Variants in GALNT13 observed in about 807,000 individuals in gnomAD.
The protein encoded by GALNT13 is polypeptide N-acetylgalactosaminyltransferase 13.
In GALNT13, 28 loss-of-function variants were observed where a neutral mutation model predicts 64.2. The ratio of observed to expected loss-of-function variants is 0.44; its 90% confidence interval spans 0.32 to 0.60. The LOEUF (loss-of-function observed/expected upper bound fraction) is 0.60. GALNT13 is among the 20% of genes least tolerant of loss of function. The pLI, the probability that GALNT13 is intolerant of heterozygous loss-of-function variation, is 0.05. For synonymous variants in GALNT13, 214 were observed against 224.6 expected (o/e 0.95, Z 0.42); for missense variants, 577 against 669.8 (o/e 0.86, Z 1.53).
intron 9 of GALNT13, among the ~76,000 whole-genome samples, chr2:154,351,654 G>C (rs144173211): frequency 0.079 from 9,649 of 122,002 alleles, 376 homozygotes; most frequent in Middle Eastern, 0.12. Context: ...CTGCAGTCCA[G>C]CCTGGGCGAC....
At chr2:154,073,405 T>C (rs1285455015) in intron 3 of GALNT13, among the ~76,000 whole-genome samples, 1 of 151,964 alleles carries the variant, frequency 6.6e-6, no homozygotes, top group Admixed American at 6.6e-5. Flanking sequence ...AAGTAACTAT[T>C]TATTGCCAAT....
chr2:153,071,749 G>C, the GALNT13 span, among the ~76,000 whole-genome samples: 2 of 152,162 alleles, frequency 1.3e-5, no homozygotes, highest in Admixed American at 6.5e-5. Context: ...TGTGGCTCTT[G>C]AGCCAAATCT....
intron 9 of GALNT13, among the ~76,000 whole-genome samples, chr2:154,386,873 C>G (rs1698538448): frequency 6.6e-6 from 1 of 151,950 alleles, no homozygotes; most frequent in Non-Finnish European, 1.5e-5. Flanking sequence ...AGGTAATTGC[C>G]TAGAAAACTC....
chr2:153,842,656 A>G, the GALNT13 span, among the ~76,000 whole-genome samples: 11 of 152,086 alleles, frequency 7.2e-5, no homozygotes, highest in Non-Finnish European at 2.9e-5. Context: ...TTTTTAAAAA[A>G]CACAAGAGCT....
intron 3 of GALNT13, among the ~76,000 whole-genome samples, chr2:154,055,005 T>A (rs917575433): frequency 5.3e-5 from 8 of 152,062 alleles, no homozygotes; most frequent in African/African-American, 1.9e-4. Context: ...ATTGTAACTT[T>A]TTGCATATGT....
the GALNT13 span, among the ~76,000 whole-genome samples, chr2:153,317,549 G>A: frequency 1.3e-5 from 2 of 151,842 alleles, no homozygotes; most frequent in Non-Finnish European, 2.9e-5. Flanking sequence ...TATTCTATGA[G>A]AAATTAATTA....
At chr2:153,590,121 C>T in the GALNT13 span, among the ~76,000 whole-genome samples, 1 of 151,858 alleles carries the variant, frequency 6.6e-6, no homozygotes, top group African/African-American at 2.4e-5. Context: ...CAAGAAAAGA[C>T]CCAAATAATT....
chr2:153,599,207 CTTAAA>C, the GALNT13 span, among the ~76,000 whole-genome samples: 29 of 152,090 alleles, frequency 1.9e-4, no homozygotes, highest in African/African-American at 3.1e-4. Flanking sequence ...TATCCATTAT[CTTAAA>C]TTAATTATTT....
the GALNT13 span, among the ~76,000 whole-genome samples, chr2:153,574,459 T>A: frequency 6.6e-6 from 1 of 152,112 alleles, no homozygotes; most frequent in African/African-American, 2.4e-5. Context: ...CACTACCTCA[T>A]CTTTGAAGCC....
chr2:153,506,463 T>C, the GALNT13 span, among the ~76,000 whole-genome samples: 9 of 152,354 alleles, frequency 5.9e-5, no homozygotes, highest in Non-Finnish European at 1.2e-4. Flanking sequence ...AAGTAGGGTC[T>C]ATTTTGCTGT....
intron 3 of GALNT13, among the ~76,000 whole-genome samples, chr2:153,993,871 T>C (rs1230163403): frequency 3.9e-5 from 6 of 152,168 alleles, no homozygotes; most frequent in Admixed American, 3.9e-4. Flanking sequence ...CGTTTTTCTT[T>C]TGAATTAACT....
At chr2:153,651,112 C>A in the GALNT13 span, among the ~76,000 whole-genome samples, 5 of 152,152 alleles carry the variant, frequency 3.3e-5, no homozygotes, top group Admixed American at 1.3e-4. Context: ...GTGCATTGTA[C>A]ACCTAAAGTT....
At chr2:153,152,856 C>T in the GALNT13 span, among the ~76,000 whole-genome samples, 1 of 152,242 alleles carries the variant, frequency 6.6e-6, no homozygotes, top group South Asian at 2.1e-4. Flanking sequence ...GTGAATAGAG[C>T]TGCAATGAAC....
the GALNT13 span, among the ~76,000 whole-genome samples, chr2:153,339,047 G>A: frequency 6.6e-5 from 10 of 152,186 alleles, no homozygotes; most frequent in African/African-American, 2.4e-4. Flanking sequence ...GGTTGATTCC[G>A]TATCTTGGCT....
At chr2:153,433,411 C>A in the GALNT13 span, among the ~76,000 whole-genome samples, 1 of 139,010 alleles carries the variant, frequency 7.2e-6, no homozygotes. Context: ...ATTAATTTTC[C>A]ACTCCAAATT....
chr2:154,181,938 C>T (rs1685982770), intron 4 of GALNT13, among the ~76,000 whole-genome samples: 1 of 151,338 alleles, frequency 6.6e-6, no homozygotes, highest in African/African-American at 2.4e-5. Context: ...TATTGGTTAT[C>T]ATTTGTCTCT....
At chr2:153,149,713 A>G in the GALNT13 span, among the ~76,000 whole-genome samples, 266 of 151,922 alleles carry the variant, frequency 1.8e-3, no homozygotes, top group African/African-American at 6.1e-3. Flanking sequence ...AGCATAGCCT[A>G]CTGTGTCCTG....
intron 11 of GALNT13, among the ~76,000 whole-genome samples, chr2:154,411,608 A>G (rs1361621034): frequency 6.6e-6 from 1 of 151,850 alleles, no homozygotes; most frequent in Non-Finnish European, 1.5e-5. Context: ...CTGTATATTT[A>G]TATGGATGCT....
chr2:153,931,103 G>GTGTGTGTC lies in GALNT13; in HGVS notation c.-104-13290_-104-13289insGTGTGTCT, dbSNP rs1553456570. Among the ~76,000 whole-genome samples the GTGTGTGTC allele has an allele frequency of 9.4e-5, 13 of 138,082 alleles. No homozygotes were observed. In the East Asian group the frequency reaches 2.6e-3, roughly 28 times the overall value. The allele number at this position is 138,082 out of a possible 152,430, so 90.6% of individuals were successfully genotyped here. ...TGTGTGTGTGTGTGTGTGTGTGTGT[G>GTGTGTGTC]TCTATTGTGAATGGGATTGCCTCTT... On this transcript the variant is annotated intron_variant, in intron 2 of 12. Transcript: ENST00000392825.
Sources: allele counts gnomAD v4.1 joint callset (sites outside exome capture counted in the v4.1 genomes callset), GRCh38; gene constraint gnomAD v4.1.1; transcripts MANE v1.5; gene names NCBI Gene and HGNC (gene_info 2026-07-23, HGNC 2026-07-21).